EXD3: variants seen among roughly 807,000 people sequenced by gnomAD.
EXD3 encodes exonuclease mut-7 homolog.
EXD3 carries 92 observed loss-of-function variants against 98.0 expected under a neutral mutation model. The observed-to-expected ratio is 0.94, with a 90% CI of 0.79 to 1.12. The LOEUF is 1.12. Among genes scored for constraint, EXD3 ranks in the 50% most tolerant of loss-of-function variants. EXD3 has a pLI of 0.00. For synonymous variants in EXD3, 569 were observed against 526.0 expected (o/e 1.08, Z -1.12); for missense variants, 1,222 against 1,191.6 (o/e 1.03, Z -0.38).
Position 137,393,051 on chromosome 9 carries a change from C to T in EXD3, c.55+2252G>A. 1.5e-6 allele frequency: 1 copy of T among 650,738 alleles called. No homozygotes were observed. Among genetic ancestry groups the T allele is most frequent in the Non-Finnish European group, 2.7e-6 (1 of 365,094 alleles). 40.3% of individuals were successfully genotyped at this position (650,738 alleles called of 1,614,324 possible). A position where few individuals can be genotyped will look rare whatever the true frequency, so the allele number is the denominator to read the frequency against. ...AGGGCCATTAGTGTTCCAGGGGGTG[C>T]TGAGGCTGTTCCAGGGGGCACCGAG... On this transcript the variant is annotated intron_variant, in intron 2 of 21. Coordinates refer to ENST00000340951, the MANE Select transcript of EXD3 (RefSeq NM_017820.5). The surrounding 1 kb of genome is among the most constrained non-coding windows in gnomAD (Gnocchi z 4.6).
chr9:137,337,650 CA>C (rs879402529), intron 17 of EXD3, among the ~76,000 whole-genome samples: 11 of 147,058 alleles, frequency 7.5e-5, no homozygotes, highest in Non-Finnish European at 1.2e-4. Flanking sequence ...GATTTCTTCT[CA>C]AAAAAAAAGA....
In EXD3 at chr9:137,307,024, G is replaced by C; in HGVS notation, c.2557C>G (p.Arg853Gly). ...SHLGRVATHF[R>G]DMLESAPSPC... is the part of the protein sequence containing the mutation. ...CTGGGGGCGCTCTCCAGCATGTCTC[G>C]GAAGTGGGTGGCAACACGACCCAGG... Residue 853 changes from arginine to glycine, a missense_variant, in exon 22 of 22, where the codon CGA becomes GGA. Coordinates refer to ENST00000340951, the MANE Select transcript of EXD3 (RefSeq NM_017820.5). 1 of 1,612,136 alleles carries C rather than the reference G, an allele frequency of 6.2e-7. No homozygotes were observed. Among genetic ancestry groups the C allele is most frequent in the Non-Finnish European group, 8.5e-7 (1 of 1,179,608 alleles).
At chr9:137,332,644 C>A (rs1306973669) in intron 17 of EXD3, among the ~76,000 whole-genome samples, 2 of 151,848 alleles carry the variant, frequency 1.3e-5, no homozygotes, top group Admixed American at 1.3e-4. Flanking sequence ...GAGATCGAGA[C>A]CATCCTGGCT....
At chr9:137,391,207 C>T (rs897161123) in intron 2 of EXD3, among the ~76,000 whole-genome samples, 31 of 152,374 alleles carry the variant, frequency 2.0e-4, no homozygotes, top group African/African-American at 5.5e-4. Context: ...GGAACCCGCA[C>T]GTTCACGGTG....
chr9:137,353,595 A>C (rs895475208), intron 10 of EXD3: 3 of 985,614 alleles, frequency 3.0e-6, no homozygotes, highest in Admixed American at 6.2e-5. Flanking sequence ...GCTCTCTCCC[A>C]CCCCGCAGCC....
At position 137,371,258 on chromosome 9, in the gene EXD3, G is replaced by A. The variant is rs1304532266; in HGVS notation, c.462+1647C>T. The stretch of plus-strand genomic sequence containing the variant: ...AGGCACGGCCGCCATTCAGCGTCGC[G>A]CCACATGAGGGGGACCCTCCATCCT... On this transcript the variant is annotated intron_variant, in intron 5 of 21. Transcript: ENST00000340951. The surrounding 1 kb of genome is among the most constrained non-coding windows in gnomAD (Gnocchi z 8.0). 7.9e-5 allele frequency among the ~76,000 whole-genome samples: 12 copies of A among 152,218 alleles called. No individual in the cohort carries two copies. The East Asian group carries it at 1.5e-3, about 20-fold the overall frequency.
At chr9:137,369,746 TC>T (rs1418675549) in intron 5 of EXD3, among the ~76,000 whole-genome samples, 2 of 152,174 alleles carry the variant, frequency 1.3e-5, no homozygotes, top group Non-Finnish European at 2.9e-5. Context: ...CTGGCCGTGC[TC>T]CCCAGGTGGG....
At chr9:137,335,572 C>G (rs554290667) in intron 17 of EXD3, among the ~76,000 whole-genome samples, 11 of 152,200 alleles carry the variant, frequency 7.2e-5, no homozygotes, top group Non-Finnish European at 1.6e-4. Context: ...CCTAGCTACT[C>G]AGGAGGCTGA....
In EXD3 at chr9:137,419,886, G is replaced by A. The variant is rs538155303; in HGVS notation, c.-48+3228C>T. On this transcript the variant is annotated intron_variant, in intron 1 of 21. Transcript: ENST00000340951. ...ATCATACAGAAAAAAGCGGCCGGGC[G>A]CGGTGGCTCATGCCTGTAATCCCAG... 3.2e-4 allele frequency among the ~76,000 whole-genome samples: 49 copies of A among 151,320 alleles called. No individual in the cohort carries two copies. In the East Asian group the frequency reaches 5.5e-3, roughly 17 times the overall value.
At chr9:137,326,877 A>G (rs1012932386) in intron 17 of EXD3, among the ~76,000 whole-genome samples, 1 of 152,058 alleles carries the variant, frequency 6.6e-6, no homozygotes, top group African/African-American at 2.4e-5. Flanking sequence ...GAAAGCAGGA[A>G]CTCAAGCACA....
At chr9:137,414,240 A>G (rs1350918743) in intron 1 of EXD3, among the ~76,000 whole-genome samples, 2 of 152,140 alleles carry the variant, frequency 1.3e-5, no homozygotes, top group African/African-American at 4.8e-5. Context: ...CTTGTGGCTG[A>G]CTGACCTCAC....
intron 1 of EXD3, among the ~76,000 whole-genome samples, chr9:137,397,096 C>A (rs1479600038): frequency 1.3e-5 from 2 of 152,188 alleles, no homozygotes; most frequent in Non-Finnish European, 2.9e-5. Flanking sequence ...GTGGAGACAC[C>A]AGAGGCCACA....
chr9:137,313,664 G>A (rs1200702531), intron 19 of EXD3, among the ~76,000 whole-genome samples: 2 of 152,134 alleles, frequency 1.3e-5, no homozygotes, highest in Non-Finnish European at 2.9e-5. Flanking sequence ...CTGGGGCCCT[G>A]GCCTGGGTGG....
At chr9:137,333,162 A>T (rs1055077410) in intron 17 of EXD3, among the ~76,000 whole-genome samples, 5 of 152,030 alleles carry the variant, frequency 3.3e-5, no homozygotes, top group Admixed American at 2.0e-4. Flanking sequence ...CGAACATCAG[A>T]CTCCAAGTTC....
intron 1 of EXD3, among the ~76,000 whole-genome samples, chr9:137,419,115 C>G (rs1411709597): frequency 1.3e-5 from 2 of 151,936 alleles, no homozygotes; most frequent in Non-Finnish European, 2.9e-5. Context: ...TAAAATCATA[C>G]AGGAAGCATT....
rs973453720 is a variant in EXD3 at position 137,352,657 on chromosome 9, C to T, written c.1000G>A (p.Val334Met). The change falls in exon 11 of 22, where the codon GTG (valine) becomes ATG (methionine). Residue 334 changes from valine to methionine, a missense_variant. Physicochemically the swap from Val to Met is conservative, Grantham distance 21. Coordinates refer to ENST00000340951, the MANE Select transcript of EXD3 (RefSeq NM_017820.5). ...LLPEERLPAA[V>M]AVELRRFRLQ... ...CTGAACCGGCGGAGTTCCACAGCCACCGCAGCCGGCAGCCGCTCCTCGGGC... is the reference window on the plus strand; with the variant it reads ...CTGAACCGGCGGAGTTCCACAGCCATCGCAGCCGGCAGCCGCTCCTCGGGC... 14 of 1,549,148 alleles carry T rather than the reference C, an allele frequency of 9.0e-6. No individual in the cohort carries two copies. Among genetic ancestry groups the T allele is most frequent in the Admixed American group, 2.0e-5 (1 of 50,830 alleles).
At chr9:137,394,717 G>C (rs537884345) in intron 2 of EXD3, among the ~76,000 whole-genome samples, 2 of 152,124 alleles carry the variant, frequency 1.3e-5, no homozygotes, top group Non-Finnish European at 2.9e-5. Flanking sequence ...GCGGGGATGC[G>C]GCCTCCCCGG....
At chr9:137,411,051 GAGC>G (rs1193493929) in intron 1 of EXD3, among the ~76,000 whole-genome samples, 2 of 152,224 alleles carry the variant, frequency 1.3e-5, no homozygotes, top group Non-Finnish European at 2.9e-5. Flanking sequence ...CCTGTGCGCT[GAGC>G]AGGTGTCCAG....
At chr9:137,369,256 G>T (rs1835463993) in intron 5 of EXD3, among the ~76,000 whole-genome samples, 1 of 152,066 alleles carries the variant, frequency 6.6e-6, no homozygotes, top group African/African-American at 2.4e-5. Context: ...TGTGAGCATG[G>T]GCGCAGGGGC....
Sources: gnomAD v4.1 joint callset for allele counts (sites outside exome capture counted in the v4.1 genomes callset) on GRCh38, gnomAD v4.1.1 for gene constraint, Gnocchi (gnomAD v3.1) non-coding constraint, MANE v1.5 for transcripts, NCBI Gene and HGNC (gene_info 2026-07-23, HGNC 2026-07-21) for gene names.